Variants in VSNL1 observed in about 807,000 individuals in gnomAD.
VSNL1 encodes the protein visinin like 1.
A neutral mutation model predicts 20.4 loss-of-function variants in VSNL1; 6 were observed. The ratio of observed to expected loss-of-function variants is 0.29; its 90% CI spans 0.16 to 0.58. VSNL1 has a LOEUF of 0.58. Among genes scored for constraint, VSNL1 ranks in the 20% least tolerant of loss-of-function variants. The pLI is 0.90. For synonymous variants in VSNL1, 93 were observed against 86.4 expected (o/e 1.08, Z -0.42); for missense variants, 100 against 234.5 (o/e 0.43, Z 3.75).
At chr2:17,577,108 T>A (rs1373549509) in intron 1 of VSNL1, among the ~76,000 whole-genome samples, 6 of 152,250 alleles carry the variant, frequency 3.9e-5, no homozygotes, top group Non-Finnish European at 5.9e-5. Context: ...ATAGTATTTG[T>A]ATATTTAAAT....
chr2:17,631,851 A>T (rs1382703993), intron 2 of VSNL1, among the ~76,000 whole-genome samples: 2 of 152,242 alleles, frequency 1.3e-5, no homozygotes, highest in Admixed American at 1.3e-4. Flanking sequence ...ACAGGTACAT[A>T]CTTAATGACT....
intron 2 of VSNL1, among the ~76,000 whole-genome samples, chr2:17,619,459 T>C (rs1665295139): frequency 6.6e-6 from 1 of 152,142 alleles, no homozygotes; most frequent in African/African-American, 2.4e-5. Flanking sequence ...ACATAACACA[T>C]ATTTTACATG....
intron 2 of VSNL1, among the ~76,000 whole-genome samples, chr2:17,636,305 G>A (rs185595447): frequency 1.3e-5 from 2 of 152,168 alleles, no homozygotes; most frequent in Admixed American, 1.3e-4. Context: ...TAGAAGACTG[G>A]GGAGTCCAAG....
intron 2 of VSNL1, among the ~76,000 whole-genome samples, chr2:17,633,100 G>A (rs1000346089): frequency 6.6e-6 from 1 of 152,192 alleles, no homozygotes; most frequent in Non-Finnish European, 1.5e-5. Flanking sequence ...TCACAATCGT[G>A]GCTGAAGGCG....
At chr2:17,558,593 C>T (rs1273484299) in intron 1 of VSNL1, among the ~76,000 whole-genome samples, 1 of 152,202 alleles carries the variant, frequency 6.6e-6, no homozygotes, top group Non-Finnish European at 1.5e-5. Context: ...CCCACAGTCA[C>T]ATAGCCAAAA....
At chr2:17,603,600 G>C (rs1016854830) in intron 2 of VSNL1, among the ~76,000 whole-genome samples, 3 of 152,168 alleles carry the variant, frequency 2.0e-5, no homozygotes, top group Admixed American at 2.0e-4. Context: ...GAAGTATCAG[G>C]GGGAAAGTGA....
At chr2:17,605,907 T>C (rs999756948) in intron 2 of VSNL1, among the ~76,000 whole-genome samples, 4 of 152,236 alleles carry the variant, frequency 2.6e-5, no homozygotes, top group African/African-American at 9.6e-5. Flanking sequence ...AGATGAATAA[T>C]AGACAGAGAA....
chr2:17,629,555 T>C (rs60403576), intron 2 of VSNL1, among the ~76,000 whole-genome samples: 35,973 of 152,188 alleles, frequency 0.24, 4,554 homozygotes, highest in Middle Eastern at 0.29. Flanking sequence ...GGACTTGACT[T>C]ACTTGGCAAT....
Position 17,580,561 on chromosome 2 carries a change from G to C in VSNL1, c.-5-11509G>C, listed in dbSNP as rs370622415. On this transcript the variant is annotated intron_variant, in intron 1 of 3. Coordinates refer to ENST00000295156, the MANE Select transcript of VSNL1 (RefSeq NM_003385.5). ...GTCCAAACTCTGCCAGTGTTTTCCC[G>C]TGTGACTTTTGCAAAAGTCTGTGTC... Among the ~76,000 whole-genome samples the C allele has an allele frequency of 3.9e-5, 6 of 152,288 alleles. No homozygotes were observed. In the South Asian group the frequency reaches 1.2e-3, roughly 32 times the overall value.
chr2:17,614,614 C>T lies in VSNL1; in HGVS notation c.162+22378C>T, dbSNP rs188976374. ...CAACCCCAAGGAGGGCATTTATCCCCTCAGGGTCAGATCCAGGGCATTTTG... is the reference window on the plus strand; with the variant it reads ...CAACCCCAAGGAGGGCATTTATCCCTTCAGGGTCAGATCCAGGGCATTTTG... On this transcript the variant is annotated intron_variant, in intron 2 of 3. Transcript: ENST00000295156. Among the ~76,000 whole-genome samples, 360 of 152,320 alleles carry T rather than the reference C, an allele frequency of 2.4e-3. 4 individuals are homozygous for T. Among genetic ancestry groups the T allele is most frequent in the Middle Eastern group, 0.01 (3 of 294 alleles).
chr2:17,642,047 C>T (rs554158587), intron 2 of VSNL1, among the ~76,000 whole-genome samples: 3 of 152,144 alleles, frequency 2.0e-5, no homozygotes, highest in South Asian at 2.1e-4. Flanking sequence ...CTGATTTATC[C>T]GTCATTTTAT....
At chr2:17,553,829 C>A (rs1663610013) in intron 1 of VSNL1, among the ~76,000 whole-genome samples, 1 of 152,186 alleles carries the variant, frequency 6.6e-6, no homozygotes, top group Non-Finnish European at 1.5e-5. Flanking sequence ...TAGCGGAACC[C>A]TCTCTTTTAT....
intron 2 of VSNL1, among the ~76,000 whole-genome samples, chr2:17,623,318 G>T (rs188532300): frequency 2.4e-3 from 360 of 152,268 alleles, no homozygotes; most frequent in Non-Finnish European, 3.9e-3. Flanking sequence ...TACAACTTCA[G>T]TAATTAAAAC....
In VSNL1 at chr2:17,572,593, A is replaced by G. The variant is rs529217469; in HGVS notation, c.-5-19477A>G. Reference sequence around the variant, plus strand: ...TCATGCCATACAATAACCATTATTCATTTCTATTACTCCATGTTTAATCTT... The same window carrying G: ...TCATGCCATACAATAACCATTATTCGTTTCTATTACTCCATGTTTAATCTT... On this transcript the variant is annotated intron_variant, in intron 1 of 3. Coordinates refer to ENST00000295156, the MANE Select transcript of VSNL1 (RefSeq NM_003385.5). Among the ~76,000 whole-genome samples, 30 of 152,300 alleles carry G rather than the reference A, an allele frequency of 2.0e-4. No individual in the cohort carries two copies. In the South Asian group the frequency reaches 6.0e-3, roughly 31 times the overall value.
At chr2:17,600,920 A>T (rs1359737418) in intron 2 of VSNL1, among the ~76,000 whole-genome samples, 1 of 152,220 alleles carries the variant, frequency 6.6e-6, no homozygotes, top group African/African-American at 2.4e-5. Flanking sequence ...GTATTTTATT[A>T]TGGTGATATT....
chr2:17,586,775 G>A (rs533491016), intron 1 of VSNL1, among the ~76,000 whole-genome samples: 18 of 152,308 alleles, frequency 1.2e-4, no homozygotes, highest in African/African-American at 4.3e-4. Flanking sequence ...GGAAAAGAGA[G>A]GAGTAGTAAC....
chr2:17,561,030 C>T (rs1438943008), intron 1 of VSNL1, among the ~76,000 whole-genome samples: 1 of 152,128 alleles, frequency 6.6e-6, no homozygotes. Context: ...AAGAGTATGA[C>T]AGTTAATCCA....
chr2:17,564,919 A>G (rs576009671), intron 1 of VSNL1, among the ~76,000 whole-genome samples: 13 of 152,350 alleles, frequency 8.5e-5, no homozygotes, highest in South Asian at 2.1e-4. Context: ...TTGAATTTCT[A>G]TACCAAATTT....
At chr2:17,542,276 T>C (rs1663302024) in intron 1 of VSNL1, among the ~76,000 whole-genome samples, 2 of 152,122 alleles carry the variant, frequency 1.3e-5, no homozygotes, top group South Asian at 4.1e-4. Flanking sequence ...GAATGCACTC[T>C]CATTAAGCCT....
Sources: allele counts gnomAD v4.1 joint callset (sites outside exome capture counted in the v4.1 genomes callset), GRCh38; gene constraint gnomAD v4.1.1; transcripts MANE v1.5; gene names NCBI Gene and HGNC (gene_info 2026-07-23, HGNC 2026-07-21).